Variants in MMP16 observed in about 807,000 individuals in gnomAD.
MMP16 encodes matrix metallopeptidase 16.
A neutral mutation model predicts 67.8 loss-of-function variants in MMP16; 12 were observed. That is an observed-to-expected ratio of 0.18 (90% CI 0.11 to 0.29). The LOEUF is 0.29. Ranked by LOEUF, MMP16 falls within the 10% of genes least tolerant of loss-of-function variation. The pLI, the probability that MMP16 is intolerant of heterozygous loss-of-function variation, is 1.00. For missense variants in MMP16, 475 were observed against 765.7 expected, an observed-to-expected ratio of 0.62 and a Z score of 4.48; for synonymous variants, 249 against 255.9, an observed-to-expected ratio of 0.97 and a Z score of 0.26.
At chr8:88,302,068 C>T (rs1811112802) in intron 1 of MMP16, among the ~76,000 whole-genome samples, 1 of 152,154 alleles carries the variant, frequency 6.6e-6, no homozygotes, top group Admixed American at 6.6e-5. Flanking sequence ...ACTGGAAAGT[C>T]CCATTTTCTA....
intron 1 of MMP16, among the ~76,000 whole-genome samples, chr8:88,309,075 C>A (rs1811255963): frequency 1.3e-5 from 2 of 151,986 alleles, no homozygotes; most frequent in African/African-American, 4.8e-5. Context: ...TGTTGAGTGA[C>A]AATTTGGCAG....
chr8:88,276,014 C>A (rs1810643895), intron 1 of MMP16, among the ~76,000 whole-genome samples: 1 of 152,022 alleles, frequency 6.6e-6, no homozygotes, highest in African/African-American at 2.4e-5. Flanking sequence ...CTAGTTGTAA[C>A]ATTAAAATCC....
chr8:88,227,985 T>C (rs1027652411), intron 1 of MMP16, among the ~76,000 whole-genome samples: 3 of 152,082 alleles, frequency 2.0e-5, no homozygotes, highest in African/African-American at 7.2e-5. Context: ...GCAATGACTA[T>C]GTACAGAAAA....
chr8:88,183,573 T>C (rs947452750), intron 3 of MMP16, among the ~76,000 whole-genome samples: 3 of 152,188 alleles, frequency 2.0e-5, no homozygotes, highest in Non-Finnish European at 4.4e-5. Context: ...AGCTGTGCAA[T>C]GTTGCTGAAT....
Position 88,273,035 on chromosome 8 carries a change from G to GA in MMP16, c.132+54039dup, listed in dbSNP as rs112682911. 5.1e-4 allele frequency among the ~76,000 whole-genome samples: 69 copies of GA among 135,986 alleles called. 1 individual carries two copies. The highest frequency in any genetic ancestry group is 3.8e-3 in the Middle Eastern group (1 of 266). The allele number at this position is 135,986 out of a possible 152,430, so 89.2% of individuals were successfully genotyped here. A position where few individuals can be genotyped will look rare whatever the true frequency, so the allele number is the denominator to read the frequency against. ...TCAGAAAAAGAAAAACAAAAAAAAA[G>GA]AAAAAAAAAAAGGTATCCTTCTTGC... is the stretch of plus-strand genomic sequence containing the variant. On this transcript the variant is annotated intron_variant, in intron 1 of 9. Coordinates refer to ENST00000286614, the MANE Select transcript of MMP16 (RefSeq NM_005941.5).
chr8:88,102,270 C>G (rs1387979703), intron 6 of MMP16, among the ~76,000 whole-genome samples: 1 of 151,870 alleles, frequency 6.6e-6, no homozygotes, highest in African/African-American at 2.4e-5. Flanking sequence ...TTCTGACCAA[C>G]TGGCCTCAAG....
intron 1 of MMP16, among the ~76,000 whole-genome samples, chr8:88,213,112 T>A (rs1201347379): frequency 2.6e-5 from 4 of 152,158 alleles, no homozygotes; most frequent in African/African-American, 9.7e-5. Context: ...CAATGCATGC[T>A]AAATGGATTT....
At chr8:88,116,943 C>T (rs1411690062) in intron 5 of MMP16, among the ~76,000 whole-genome samples, 1 of 151,986 alleles carries the variant, frequency 6.6e-6, no homozygotes. Context: ...ATCCAGGTAG[C>T]TAGGTTTTCT....
chr8:88,120,583 G>C (rs1336875375), intron 4 of MMP16, among the ~76,000 whole-genome samples: 2 of 151,876 alleles, frequency 1.3e-5, no homozygotes, highest in Non-Finnish European at 2.9e-5. Flanking sequence ...ACCAAGAGCA[G>C]ACTGAATGGC....
intron 6 of MMP16, among the ~76,000 whole-genome samples, chr8:88,106,121 T>C (rs940768239): frequency 1.0e-4 from 15 of 150,612 alleles, no homozygotes; most frequent in African/African-American, 3.6e-4. Flanking sequence ...AGATTTCACT[T>C]TCTCTCCTAC....
intron 1 of MMP16, among the ~76,000 whole-genome samples, chr8:88,320,697 T>C (rs1811445728): frequency 1.3e-5 from 2 of 152,200 alleles, no homozygotes; most frequent in African/African-American, 4.8e-5. Flanking sequence ...ACCTAGTATC[T>C]GTCCTTGATT....
chr8:88,148,419 C>G (rs550914886), intron 4 of MMP16, among the ~76,000 whole-genome samples: 1 of 152,180 alleles, frequency 6.6e-6, no homozygotes, highest in African/African-American at 2.4e-5. Flanking sequence ...ATGATAGCCA[C>G]CGGTGAAAAT....
intron 1 of MMP16, among the ~76,000 whole-genome samples, chr8:88,237,117 T>C (rs561919985): frequency 6.6e-6 from 1 of 152,114 alleles, no homozygotes; most frequent in Non-Finnish European, 1.5e-5. Context: ...TAATTAATAA[T>C]CCTCTTAAAC....
At chr8:88,170,027 A>G (rs893253627) in intron 3 of MMP16, among the ~76,000 whole-genome samples, 7 of 152,188 alleles carry the variant, frequency 4.6e-5, no homozygotes, top group African/African-American at 1.7e-4. Flanking sequence ...CAGGTGAGAG[A>G]TGATGGTGCT....
chr8:88,291,535 G>GACA (rs1810926158), intron 1 of MMP16, among the ~76,000 whole-genome samples: 1 of 152,144 alleles, frequency 6.6e-6, no homozygotes, highest in Non-Finnish European at 1.5e-5. Context: ...TTCACTCTCT[G>GACA]CTTTCACTAG....
chr8:88,055,234 G>T (rs1278387105), intron 8 of MMP16, among the ~76,000 whole-genome samples: 1 of 152,044 alleles, frequency 6.6e-6, no homozygotes, highest in East Asian at 1.9e-4. Flanking sequence ...TTGAGACAGG[G>T]TCGCACTCTG....
intron 1 of MMP16, among the ~76,000 whole-genome samples, chr8:88,253,850 T>C (rs1010421448): frequency 2.0e-5 from 3 of 152,068 alleles, no homozygotes; most frequent in African/African-American, 7.2e-5. Flanking sequence ...TTCTAATTTT[T>C]TTTTTGGTAG....
chr8:88,326,186 G>A (rs1186712986), intron 1 of MMP16, among the ~76,000 whole-genome samples: 2 of 152,166 alleles, frequency 1.3e-5, no homozygotes, highest in African/African-American at 4.8e-5. Context: ...TGATAAAGTT[G>A]TGTTACAGCC....
chr8:88,306,895 C>A (rs1563590826), intron 1 of MMP16, among the ~76,000 whole-genome samples: 1 of 152,156 alleles, frequency 6.6e-6, no homozygotes, highest in Admixed American at 6.6e-5. Flanking sequence ...TCTTACCATT[C>A]CTATTCAACA....
Sources: gnomAD v4.1 joint callset for allele counts (sites outside exome capture counted in the v4.1 genomes callset) on GRCh38, gnomAD v4.1.1 for gene constraint, MANE v1.5 for transcripts, NCBI Gene and HGNC (gene_info 2026-07-23, HGNC 2026-07-21) for gene names.